The following ZSWIM5 variants were observed in gnomAD, a reference collection of about 807,000 sequenced individuals.
The protein encoded by ZSWIM5 is zinc finger SWIM-type containing 5.
ZSWIM5 carries 55 observed loss-of-function variants against 119.6 expected under a neutral mutation model. The observed-to-expected ratio is 0.46, with a 90% CI of 0.37 to 0.58. ZSWIM5 has a LOEUF of 0.58. ZSWIM5 is among the 20% of genes least tolerant of loss of function. The pLI is 0.00. For missense variants in ZSWIM5, 1,193 were observed against 1,512.8 expected (o/e 0.79, Z 3.51); for synonymous variants, 537 against 606.9 (o/e 0.88, Z 1.69).
At position 45,034,420 on chromosome 1, in the gene ZSWIM5, G is replaced by T; in HGVS notation, c.2341C>A (p.His781Asn). The T allele has an allele frequency of 6.2e-7, 1 of 1,613,798 alleles. No individual in the cohort carries two copies. The highest frequency in any genetic ancestry group is 8.5e-7 in the Non-Finnish European group (1 of 1,179,870). ...SASAGDTSHP[H>N]HMVSVVPSRY... is the part of the protein sequence containing the mutation. ...CTGGGCACCACAGACACCATATGGT[G>T]AGGGTGGGATGTGTCGCCTGCAGAA... The change falls in exon 11 of 14, where the codon CAC (histidine) becomes AAC (asparagine). Residue 781 changes from histidine to asparagine, a missense_variant. His to Asn is a moderately conservative substitution (Grantham distance 68). Coordinates refer to ENST00000359600, the MANE Select transcript of ZSWIM5 (RefSeq NM_020883.2).
At chr1:45,184,236 A>G (rs2149050256) in intron 1 of ZSWIM5, among the ~76,000 whole-genome samples, 1 of 152,282 alleles carries the variant, frequency 6.6e-6, no homozygotes, top group South Asian at 2.1e-4. Flanking sequence ...TTAGGTATTG[A>G]TGGGATGTAT....
In ZSWIM5 at chr1:45,023,598, C is replaced by T. The variant is rs58980058; in HGVS notation, c.2450-2810G>A. 9.9e-3 allele frequency among the ~76,000 whole-genome samples: 1,501 copies of T among 151,296 alleles called. 26 individuals carry two copies. Among genetic ancestry groups the T allele is most frequent in the African/African-American group, 0.035 (1,430 of 41,242 alleles). ...ATGGATATACGATAATTTATTTATC[C>T]GTTCACCTTTTGAAGAACATCTTGG... On this transcript the variant is annotated intron_variant, in intron 11 of 13. Coordinates refer to ENST00000359600, the MANE Select transcript of ZSWIM5 (RefSeq NM_020883.2).
intron 1 of ZSWIM5, among the ~76,000 whole-genome samples, chr1:45,139,366 CT>C (rs200792767): frequency 2.7e-5 from 4 of 149,760 alleles, no homozygotes; most frequent in Non-Finnish European, 4.5e-5. Context: ...CTTTTCTTTT[CT>C]TTTTTTTTCT....
At chr1:45,182,865 C>T (rs1489161394) in intron 1 of ZSWIM5, among the ~76,000 whole-genome samples, 1 of 151,976 alleles carries the variant, frequency 6.6e-6, no homozygotes, top group South Asian at 2.1e-4. Flanking sequence ...CAAGGATACC[C>T]AGGAATTGAA....
At chr1:45,168,220 A>T (rs1645920439) in intron 1 of ZSWIM5, among the ~76,000 whole-genome samples, 1 of 152,004 alleles carries the variant, frequency 6.6e-6, no homozygotes, top group African/African-American at 2.4e-5. Context: ...AAACTATCGC[A>T]AGGACAGAAA....
At chr1:45,128,663 C>T (rs1645636196) in intron 1 of ZSWIM5, among the ~76,000 whole-genome samples, 1 of 152,116 alleles carries the variant, frequency 6.6e-6, no homozygotes, top group Non-Finnish European at 1.5e-5. Flanking sequence ...TAGGGTCCAT[C>T]CTTTATGTTG....
intron 1 of ZSWIM5, among the ~76,000 whole-genome samples, chr1:45,137,369 T>C (rs1010282664): frequency 2.6e-5 from 4 of 152,158 alleles, no homozygotes; most frequent in Admixed American, 6.5e-5. Context: ...TTTAAAAATA[T>C]TTATCTAGCC....
intron 1 of ZSWIM5, among the ~76,000 whole-genome samples, chr1:45,182,185 G>A (rs1646024002): frequency 6.6e-6 from 1 of 152,142 alleles, no homozygotes; most frequent in Non-Finnish European, 1.5e-5. Context: ...GGGAGGCCGA[G>A]GCGGGCGGAT....
At chr1:45,136,176 T>C (rs1486549225) in intron 1 of ZSWIM5, among the ~76,000 whole-genome samples, 1 of 152,134 alleles carries the variant, frequency 6.6e-6, no homozygotes, top group East Asian at 1.9e-4. Context: ...GTGTGAAGTC[T>C]TGGTAGGGCT....
At chr1:45,091,701 A>ACC (rs1645365285) in intron 1 of ZSWIM5, among the ~76,000 whole-genome samples, 1 of 152,014 alleles carries the variant, frequency 6.6e-6, no homozygotes. Flanking sequence ...CAACCAACCA[A>ACC]ACAAACAAAC....
chr1:45,140,364 T>C (rs536467010), intron 1 of ZSWIM5, among the ~76,000 whole-genome samples: 2 of 152,220 alleles, frequency 1.3e-5, no homozygotes, highest in South Asian at 2.1e-4. Flanking sequence ...ATTTAGGCTA[T>C]CTGAACATTT....
chr1:45,184,332 C>G (rs1166800426), intron 1 of ZSWIM5, among the ~76,000 whole-genome samples: 1 of 152,116 alleles, frequency 6.6e-6, no homozygotes, highest in Non-Finnish European at 1.5e-5. Context: ...CCTTTGAAAA[C>G]TGGCACAAGA....
intron 1 of ZSWIM5, among the ~76,000 whole-genome samples, chr1:45,205,469 C>T (rs1363027736): frequency 2.0e-5 from 3 of 152,162 alleles, no homozygotes; most frequent in African/African-American, 4.8e-5. Context: ...TCCAAAAAGT[C>T]ATACCTCCCC....
intron 11 of ZSWIM5, among the ~76,000 whole-genome samples, chr1:45,021,757 C>T (rs1484550242): frequency 3.3e-5 from 5 of 152,160 alleles, no homozygotes; most frequent in Non-Finnish European, 7.3e-5. Context: ...CAGTGGCTCT[C>T]GCCTGTAATC....
rs35391088 is a variant in ZSWIM5, at chr1:45,067,439, CAAA to C, written c.953-7195_953-7193del. ...TAGGTGAGAGAGTAAGACCCTGCCT[CAAA>C]AAAAAAAAAAAAGAAAGAAAGAAAG... On this transcript the variant is annotated intron_variant, in intron 2 of 13. Coordinates refer to ENST00000359600, the MANE Select transcript of ZSWIM5 (RefSeq NM_020883.2). Among the ~76,000 whole-genome samples the C allele has an allele frequency of 7.0e-3, 991 of 140,712 alleles. 30 individuals are homozygous for C. In the East Asian group the frequency reaches 0.089, roughly 13 times the overall value. 92.3% of individuals were successfully genotyped at this position (140,712 alleles called of 152,430 possible).
intron 8 of ZSWIM5, among the ~76,000 whole-genome samples, chr1:45,037,756 A>T (rs1197265999): frequency 2.0e-5 from 3 of 152,224 alleles, no homozygotes; most frequent in African/African-American, 4.8e-5. Context: ...ACCCAGAGAA[A>T]TCTGAATCCC....
At chr1:45,168,839 A>T (rs1308543909) in intron 1 of ZSWIM5, among the ~76,000 whole-genome samples, 1 of 151,968 alleles carries the variant, frequency 6.6e-6, no homozygotes, top group African/African-American at 2.4e-5. Context: ...ACATAGCAAA[A>T]CTCAGCTAGA....
intron 2 of ZSWIM5, among the ~76,000 whole-genome samples, chr1:45,083,445 C>T (rs867012948): frequency 1.3e-5 from 2 of 152,040 alleles, no homozygotes; most frequent in African/African-American, 4.8e-5. Flanking sequence ...GAGATGAGGT[C>T]TCACTATGTT....
chr1:45,147,584 CAAAAA>C (rs11409330), intron 1 of ZSWIM5, among the ~76,000 whole-genome samples: 16 of 93,314 alleles, frequency 1.7e-4, no homozygotes, highest in African/African-American at 5.3e-4. Context: ...TTTACACATG[CAAAAA>C]AAAAAAAAAA....
Sources: allele counts gnomAD v4.1 joint callset (sites outside exome capture counted in the v4.1 genomes callset), GRCh38; gene constraint gnomAD v4.1.1; transcripts MANE v1.5; gene names NCBI Gene and HGNC (gene_info 2026-07-23, HGNC 2026-07-21).